The following DCLK2 variants were observed in gnomAD, a reference collection of about 807,000 sequenced individuals.
DCLK2 encodes doublecortin like kinase 2, also known as serine/threonine-protein kinase DCLK2.
A neutral mutation model predicts 78.4 loss-of-function variants in DCLK2; 31 were observed. The ratio of observed to expected loss-of-function variants is 0.40; its 90% CI spans 0.30 to 0.53. DCLK2 has a LOEUF of 0.53. DCLK2 is among the 20% of genes least tolerant of loss of function. The pLI is 0.61. For synonymous variants in DCLK2, 407 were observed against 374.9 expected (o/e 1.09, Z -0.99); for missense variants, 872 against 973.7 (o/e 0.90, Z 1.39).
At chr4:150,160,758 A>C (rs1272377155) in intron 2 of DCLK2, among the ~76,000 whole-genome samples, 1 of 152,194 alleles carries the variant, frequency 6.6e-6, no homozygotes, top group Non-Finnish European at 1.5e-5. Context: ...GAGAGAAGGA[A>C]AAGAAAGGGC....
chr4:150,128,029 C>T (rs1029374710), intron 2 of DCLK2, among the ~76,000 whole-genome samples: 2 of 151,594 alleles, frequency 1.3e-5, no homozygotes, highest in African/African-American at 2.4e-5. Flanking sequence ...TCGATGACTG[C>T]GTGATTCCAT....
At chr4:150,157,539 GTC>G (rs747008533) in intron 2 of DCLK2, among the ~76,000 whole-genome samples, 9 of 144,636 alleles carry the variant, frequency 6.2e-5, no homozygotes, top group African/African-American at 1.3e-4. Flanking sequence ...TTGAGCTGGA[GTC>G]TCTCTCTCTT....
intron 5 of DCLK2, among the ~76,000 whole-genome samples, chr4:150,215,451 G>T (rs1740624760): frequency 6.6e-6 from 1 of 152,114 alleles, no homozygotes; most frequent in African/African-American, 2.4e-5. Context: ...CCCCTCTTTG[G>T]GTTTGATTAA....
At chr4:150,253,351 C>T in intron 15 of DCLK2, 1 of 1,028,276 alleles carries the variant, frequency 9.7e-7, no homozygotes. Flanking sequence ...TGCTGTCACC[C>T]TAGTGTTCTC....
chr4:150,098,939 C>G (rs897638273), intron 1 of DCLK2, among the ~76,000 whole-genome samples: 3 of 152,208 alleles, frequency 2.0e-5, no homozygotes, highest in African/African-American at 2.4e-5. Context: ...AGGTGAGCCA[C>G]CTCCCTCGGC....
At chr4:150,101,487 G>C (rs1197316684) in intron 1 of DCLK2, among the ~76,000 whole-genome samples, 1 of 151,862 alleles carries the variant, frequency 6.6e-6, no homozygotes. Flanking sequence ...TGTTAATATT[G>C]TTAACGATGA....
chr4:150,079,338 T>G lies in DCLK2; in HGVS notation c.311T>G (p.Ile104Arg), dbSNP rs765656766. 3 of 1,588,654 alleles carry G rather than the reference T, an allele frequency of 1.9e-6. No individual in the cohort carries two copies. The highest frequency in any genetic ancestry group is 8.6e-7 in the Non-Finnish European group (1 of 1,167,646). ...DRFRSFDALL[I>R]ELTRSLSDNV... is the part of the protein sequence containing the mutation. Reference sequence around the variant, plus strand: ...TTCCGGTCCTTCGATGCGCTCCTCATAGAGCTCACCCGCTCCCTGTCGGAC... The same window carrying G: ...TTCCGGTCCTTCGATGCGCTCCTCAGAGAGCTCACCCGCTCCCTGTCGGAC... Residue 104 changes from isoleucine to arginine, a missense_variant, in exon 1 of 16, where the codon ATA becomes AGA. By Grantham distance (97) the Ile-to-Arg change is moderately conservative (BLOSUM62 -3). Transcript: ENST00000296550.
chr4:150,100,561 A>G (rs1730817127), intron 1 of DCLK2, among the ~76,000 whole-genome samples: 1 of 152,168 alleles, frequency 6.6e-6, no homozygotes, highest in Non-Finnish European at 1.5e-5. Context: ...TTTTGCTAAG[A>G]TTCTTTTTTC....
At chr4:150,091,011 G>A (rs1730019716) in intron 1 of DCLK2, among the ~76,000 whole-genome samples, 1 of 152,196 alleles carries the variant, frequency 6.6e-6, no homozygotes, top group Admixed American at 6.5e-5. Flanking sequence ...AGTGCACTTT[G>A]TGTTAGTCTG....
At chr4:150,175,269 G>C (rs1220196885) in intron 2 of DCLK2, among the ~76,000 whole-genome samples, 1 of 136,922 alleles carries the variant, frequency 7.3e-6, no homozygotes, top group African/African-American at 2.8e-5. Context: ...TTCCTGTGTT[G>C]GTGGGACTAT....
At chr4:150,143,952 G>A (rs1409191109) in intron 2 of DCLK2, among the ~76,000 whole-genome samples, 1 of 152,028 alleles carries the variant, frequency 6.6e-6, no homozygotes, top group Admixed American at 6.5e-5. Context: ...TCGTTTGCCA[G>A]AGACATAATT....
chr4:150,213,093 C>T (rs1353017902), intron 5 of DCLK2, among the ~76,000 whole-genome samples: 1 of 152,210 alleles, frequency 6.6e-6, no homozygotes, highest in Non-Finnish European at 1.5e-5. Context: ...ACACCTTACT[C>T]GAAAGGCTTA....
At chr4:150,230,637 A>G (rs1463165027) in intron 8 of DCLK2, among the ~76,000 whole-genome samples, 1 of 152,234 alleles carries the variant, frequency 6.6e-6, no homozygotes, top group Non-Finnish European at 1.5e-5. Flanking sequence ...GTGATTGAGG[A>G]TATGCTTGGT....
At chr4:150,213,603 T>C (rs572326970) in intron 5 of DCLK2, among the ~76,000 whole-genome samples, 1 of 152,278 alleles carries the variant, frequency 6.6e-6, no homozygotes, top group South Asian at 2.1e-4. Context: ...TAGTGTATTT[T>C]TTTTTAAAAA....
chr4:150,143,524 G>A (rs1216882810), intron 2 of DCLK2, among the ~76,000 whole-genome samples: 4 of 152,122 alleles, frequency 2.6e-5, no homozygotes, highest in Non-Finnish European at 5.9e-5. Flanking sequence ...AAATGCAGGT[G>A]CCTTTTTAAT....
At chr4:150,147,515 CA>C (rs998602152) in intron 2 of DCLK2, among the ~76,000 whole-genome samples, 4 of 152,166 alleles carry the variant, frequency 2.6e-5, no homozygotes, top group African/African-American at 9.7e-5. Context: ...GTGCAAGCAT[CA>C]AAAATAAGTT....
At position 150,232,789 on chromosome 4, in the gene DCLK2, C is replaced by T; in HGVS notation, c.1527C>T (p.Leu509=). ...LANALRYLHG[L]SIVHRDIKPE... ...ATGCCCTCAGGTATCTCCATGGCCTCAGCATCGTGCACAGAGACATCAAAC... is the reference window on the plus strand; with the variant it reads ...ATGCCCTCAGGTATCTCCATGGCCTTAGCATCGTGCACAGAGACATCAAAC... The change falls in exon 10 of 16, where the codon CTC becomes CTT. Residue 509 remains leucine, a synonymous_variant. Coordinates refer to ENST00000296550, the MANE Select transcript of DCLK2 (RefSeq NM_001040260.4). The T allele has an allele frequency of 2.5e-6, 4 of 1,614,142 alleles. No individual in the cohort carries two copies. The highest frequency in any genetic ancestry group is 3.4e-6 in the Non-Finnish European group (4 of 1,180,010).
chr4:150,093,859 A>C (rs1730273062), intron 1 of DCLK2, among the ~76,000 whole-genome samples: 1 of 152,236 alleles, frequency 6.6e-6, no homozygotes, highest in South Asian at 2.1e-4. Flanking sequence ...TCATAAAAAC[A>C]GACACATGGA....
intron 1 of DCLK2, among the ~76,000 whole-genome samples, chr4:150,092,481 A>T (rs552286390): frequency 6.6e-6 from 1 of 152,152 alleles, no homozygotes; most frequent in Non-Finnish European, 1.5e-5. Context: ...TTTTAAAAAA[A>T]CCCATTCATC....
Sources: gnomAD v4.1 joint callset for allele counts (sites outside exome capture counted in the v4.1 genomes callset) on GRCh38, gnomAD v4.1.1 for gene constraint, MANE v1.5 for transcripts, NCBI Gene and HGNC (gene_info 2026-07-23, HGNC 2026-07-21) for gene names.